Variants in OR5BS1 observed in about 807,000 individuals in gnomAD.
The protein encoded by OR5BS1 is olfactory receptor family 5 subfamily BS member 1.
the OR5BS1 span, chr12:48,560,149 G>T: frequency 2.5e-6 from 1 of 401,404 alleles, no homozygotes; most frequent in Non-Finnish European, 4.4e-6. Flanking sequence ...TTCTAAGGGG[G>T]AGACAATATC....
At chr12:48,562,798 A>G in the OR5BS1 span, 1 of 401,886 alleles carries the variant, frequency 2.5e-6, no homozygotes, top group African/African-American at 2.0e-5. Context: ...TTCAAGGTAT[A>G]TGATTCCAGC....
the OR5BS1 span, chr12:48,562,695 C>CT: frequency 5.0e-6 from 2 of 398,568 alleles, no homozygotes; most frequent in African/African-American, 4.1e-5. Context: ...TGAAGACCTC[C>CT]TTTGCAGAGT....
chr12:48,562,799 T>C, the OR5BS1 span: 2 of 401,898 alleles, frequency 5.0e-6, no homozygotes, highest in Non-Finnish European at 8.8e-6. Context: ...TCAAGGTATA[T>C]GATTCCAGCA....
chr12:48,561,533 C>T, the OR5BS1 span, among the ~76,000 whole-genome samples: 1 of 152,138 alleles, frequency 6.6e-6, no homozygotes, highest in Non-Finnish European at 1.5e-5. Context: ...TAAGTTGGAC[C>T]GAGATCCGTG....
chr12:48,560,159 C>T, the OR5BS1 span: 1 of 401,472 alleles, frequency 2.5e-6, no homozygotes, highest in Non-Finnish European at 4.4e-6. Flanking sequence ...GAGACAATAT[C>T]CTTCCTTGAG....
chr12:48,561,182 A>T, the OR5BS1 span, among the ~76,000 whole-genome samples: 1 of 152,288 alleles, frequency 6.6e-6, no homozygotes, highest in African/African-American at 2.4e-5. Flanking sequence ...GACCAAGATA[A>T]AGATTTTTCT....
At chr12:48,561,766 GA>G in the OR5BS1 span, among the ~76,000 whole-genome samples, 3 of 150,786 alleles carry the variant, frequency 2.0e-5, no homozygotes, top group Admixed American at 6.6e-5. Flanking sequence ...GGCTAGGAGA[GA>G]AAAAAAAATA....
At chr12:48,560,677 A>G in the OR5BS1 span, 1 of 400,844 alleles carries the variant, frequency 2.5e-6, no homozygotes, top group Non-Finnish European at 4.4e-6. Flanking sequence ...ATACCCCTGA[A>G]TATAAATGCG....
chr12:48,560,750 T>C, the OR5BS1 span: 1 of 398,314 alleles, frequency 2.5e-6, no homozygotes, highest in Non-Finnish European at 4.4e-6. Flanking sequence ...TAGCAGGACA[T>C]TCAAAAGGCC....
At chr12:48,561,648 A>G in the OR5BS1 span, among the ~76,000 whole-genome samples, 2 of 152,194 alleles carry the variant, frequency 1.3e-5, no homozygotes, top group Admixed American at 1.3e-4. Context: ...AGTAAATTGA[A>G]GGTAGATTTG....
chr12:48,560,585 G>A, the OR5BS1 span: 13 of 401,782 alleles, frequency 3.2e-5, no homozygotes, highest in African/African-American at 2.7e-4. Context: ...ACAGGTCGGA[G>A]CAAGATCTTT....
At chr12:48,560,500 G>A in the OR5BS1 span, 8 of 401,740 alleles carry the variant, frequency 2.0e-5, no homozygotes, top group Admixed American at 4.4e-5. Flanking sequence ...GTCAGTCCTG[G>A]GCCTTGGCAC....
At chr12:48,560,820 CA>C in the OR5BS1 span, among the ~76,000 whole-genome samples, 1 of 152,170 alleles carries the variant, frequency 6.6e-6, no homozygotes, top group Non-Finnish European at 1.5e-5. Context: ...AATCTATTTT[CA>C]GCTGGGTACA....
At chr12:48,562,827 AC>A in the OR5BS1 span, 1 of 401,944 alleles carries the variant, frequency 2.5e-6, no homozygotes, top group Admixed American at 4.4e-5. Flanking sequence ...CAGCCCTAGA[AC>A]AAGTGCTCTC....
chr12:48,560,025 G>T, the OR5BS1 span: 1 of 402,912 alleles, frequency 2.5e-6, no homozygotes, highest in Non-Finnish European at 4.4e-6. Flanking sequence ...TGGTGCTGGT[G>T]ATCAGTACTG....
the OR5BS1 span, among the ~76,000 whole-genome samples, chr12:48,561,114 A>G: frequency 3.3e-5 from 5 of 152,078 alleles, no homozygotes; most frequent in Non-Finnish European, 7.4e-5. Flanking sequence ...AAAAAAAAAA[A>G]AAACAGAATC....
chr12:48,562,739 C>T, the OR5BS1 span: 1 of 401,048 alleles, frequency 2.5e-6, no homozygotes. Context: ...TTGCTGCCAA[C>T]AGTGAGAATT....
At chr12:48,560,090 A>G in the OR5BS1 span, 1 of 402,968 alleles carries the variant, frequency 2.5e-6, no homozygotes, top group Non-Finnish European at 4.4e-6. Flanking sequence ...TCCTTCCTGG[A>G]TGCTTTCTAT....
the OR5BS1 span, among the ~76,000 whole-genome samples, chr12:48,561,986 G>T: frequency 6.6e-6 from 1 of 152,068 alleles, no homozygotes; most frequent in South Asian, 2.1e-4. Flanking sequence ...GAACCCACAA[G>T]GAACATCCTT....
Sources: gnomAD v4.1 joint callset for allele counts (sites outside exome capture counted in the v4.1 genomes callset) on GRCh38, gnomAD v4.1.1 for gene constraint, MANE v1.5 for transcripts, NCBI Gene and HGNC (gene_info 2026-07-23, HGNC 2026-07-21) for gene names.